Variants in RAB3GAP2 observed in about 807,000 individuals in gnomAD.
RAB3GAP2 encodes RAB3 GTPase activating non-catalytic protein subunit 2.
Under a neutral mutation model 185.3 loss-of-function variants are expected in RAB3GAP2, and 87 were observed. The ratio of observed to expected loss-of-function variants is 0.47; its 90% confidence interval spans 0.39 to 0.56. The LOEUF is 0.56. RAB3GAP2 is among the 20% of genes least tolerant of loss of function. RAB3GAP2 has a pLI of 0.00. For synonymous variants in RAB3GAP2, 554 were observed against 576.1 expected, an observed-to-expected ratio of 0.96 and a Z score of 0.55; for missense variants, 1,492 against 1,638.2, an observed-to-expected ratio of 0.91 and a Z score of 1.54.
chr1:220,157,395 C>T lies in RAB3GAP2; in HGVS notation c.3430G>A (p.Ala1144Thr). The T allele has an allele frequency of 6.2e-7, 1 of 1,613,924 alleles. No homozygotes were observed. The highest frequency in any genetic ancestry group is 2.2e-5 in the East Asian group (1 of 44,864). The change falls in exon 31 of 35, where the codon GCC (alanine) becomes ACC (threonine). Residue 1144 changes from alanine to threonine, a missense_variant. By Grantham distance (58) the Ala-to-Thr change is moderately conservative. This residue lies in a region of RAB3GAP2 where 387 missense variants were observed against 455.3 expected (regional missense o/e 0.85). Transcript: ENST00000358951. The part of the protein sequence containing the change: ...VEGPISIVEL[A>T]LEQKHIHYPL... ...TAGTGGATGTGCTTCTGTTCAAGGG[C>T]CAGTTCCACTATGGAGATTGGTCCT...
chr1:220,246,253 T>C (rs2102517386), intron 1 of RAB3GAP2, among the ~76,000 whole-genome samples: 1 of 152,248 alleles, frequency 6.6e-6, no homozygotes, highest in South Asian at 2.1e-4. Context: ...ACGGCAATCA[T>C]TAAAAAGTCA....
chr1:220,173,801 A>T (rs879891076), intron 21 of RAB3GAP2, among the ~76,000 whole-genome samples: 6 of 152,148 alleles, frequency 3.9e-5, no homozygotes, highest in Non-Finnish European at 8.8e-5. Context: ...CGGGCGGATC[A>T]CGAGGTCAGG....
chr1:220,222,003 A>G (rs1659314763), intron 2 of RAB3GAP2, among the ~76,000 whole-genome samples: 1 of 152,190 alleles, frequency 6.6e-6, no homozygotes, highest in African/African-American at 2.4e-5. Flanking sequence ...GCTAACTTTC[A>G]CAGATATTTA....
chr1:220,265,821 A>T (rs1401189500), intron 1 of RAB3GAP2, among the ~76,000 whole-genome samples: 1 of 152,028 alleles, frequency 6.6e-6, no homozygotes, highest in Non-Finnish European at 1.5e-5. Flanking sequence ...GCAACACAGG[A>T]GACTGAGGTG....
chr1:220,166,280 G>A (rs758645028), intron 26 of RAB3GAP2, among the ~76,000 whole-genome samples: 8 of 152,204 alleles, frequency 5.3e-5, no homozygotes, highest in South Asian at 2.1e-4. Flanking sequence ...GAAGAGTATC[G>A]TTTCCATTAA....
At chr1:220,157,569 G>A in intron 30 of RAB3GAP2, 81 bp from the exon 31 acceptor site, 1 of 1,392,122 alleles carries the variant, frequency 7.2e-7, no homozygotes. Context: ...TTTATTAGCA[G>A]CAAAGTGCAA....
chr1:220,265,149 A>T (rs1264872791), intron 1 of RAB3GAP2, among the ~76,000 whole-genome samples: 2 of 152,092 alleles, frequency 1.3e-5, no homozygotes, highest in African/African-American at 4.8e-5. Context: ...TCCTAGTATG[A>T]TCTCAAACTA....
intron 2 of RAB3GAP2, among the ~76,000 whole-genome samples, chr1:220,218,130 A>G (rs1416132126): frequency 6.6e-6 from 1 of 152,198 alleles, no homozygotes; most frequent in Admixed American, 6.5e-5. Context: ...GAAACTTGAG[A>G]ATAAAACTTG....
intron 17 of RAB3GAP2, among the ~76,000 whole-genome samples, chr1:220,187,369 G>A (rs1377220268): frequency 6.6e-6 from 1 of 152,102 alleles, no homozygotes; most frequent in Non-Finnish European, 1.5e-5. Context: ...CATTTCTGAT[G>A]GGGAGCTTCT....
At chr1:220,178,672 G>C (rs920532378) in intron 21 of RAB3GAP2, among the ~76,000 whole-genome samples, 1 of 151,644 alleles carries the variant, frequency 6.6e-6, no homozygotes. Context: ...CAAAAGTAGC[G>C]AATTGAAACA....
chr1:220,256,258 A>G (rs1316433341), intron 1 of RAB3GAP2, among the ~76,000 whole-genome samples: 1 of 152,220 alleles, frequency 6.6e-6, no homozygotes, highest in African/African-American at 2.4e-5. Flanking sequence ...TGACGGAAGC[A>G]CTAAATATGA....
At chr1:220,222,542 A>C (rs1429953350) in intron 2 of RAB3GAP2, among the ~76,000 whole-genome samples, 5 of 152,302 alleles carry the variant, frequency 3.3e-5, no homozygotes, top group African/African-American at 9.6e-5. Flanking sequence ...AGGAATTCTC[A>C]CAAATAAATT....
chr1:220,248,932 T>G (rs1041281130), intron 1 of RAB3GAP2, among the ~76,000 whole-genome samples: 1 of 152,364 alleles, frequency 6.6e-6, no homozygotes, highest in African/African-American at 2.4e-5. Flanking sequence ...CCTTCTGCCA[T>G]GACTGTAATT....
intron 2 of RAB3GAP2, among the ~76,000 whole-genome samples, chr1:220,221,061 A>AT (rs1400920120): frequency 6.6e-6 from 1 of 152,180 alleles, no homozygotes; most frequent in African/African-American, 2.4e-5. Context: ...TTCAGTTATT[A>AT]TACCACAACC....
chr1:220,166,131 CATTAAGAGG>C (rs1474839632), intron 26 of RAB3GAP2, among the ~76,000 whole-genome samples: 3 of 152,160 alleles, frequency 2.0e-5, no homozygotes, highest in Non-Finnish European at 4.4e-5. Context: ...ATTTGAAGGG[CATTAAGAGG>C]ATTCCTCTGT....
intron 2 of RAB3GAP2, among the ~76,000 whole-genome samples, chr1:220,225,617 T>C (rs987235501): frequency 6.6e-6 from 1 of 152,186 alleles, no homozygotes; most frequent in Non-Finnish European, 1.5e-5. Flanking sequence ...CACCCATGGT[T>C]GAGAATCACT....
At chr1:220,189,383 T>G (rs1025019990) in intron 17 of RAB3GAP2, among the ~76,000 whole-genome samples, 19 of 151,906 alleles carry the variant, frequency 1.3e-4, no homozygotes, top group Non-Finnish European at 2.8e-4. Flanking sequence ...CTGACCCAAC[T>G]AATTTTTTTG....
At chr1:220,212,849 T>C (rs755477034) in intron 4 of RAB3GAP2, 38 bp downstream of exon 4, 59 of 1,474,830 alleles carry the variant, frequency 4.0e-5, no homozygotes, top group Non-Finnish European at 5.0e-5. Flanking sequence ...CATACATACA[T>C]GTAACACACA....
In RAB3GAP2 at chr1:220,157,261, G is replaced by A; in HGVS notation, c.3555+9C>T. On this transcript the variant is annotated intron_variant, in intron 31 of 34. Transcript: ENST00000358951. ...CCAAAATAGCTCTGAAATCCTGTGAGGTACTTACCTTACTGTCAAAAAGTG... is the reference window on the plus strand; with the variant it reads ...CCAAAATAGCTCTGAAATCCTGTGAAGTACTTACCTTACTGTCAAAAAGTG... 6.2e-7 allele frequency: 1 copy of A among 1,607,764 alleles called. No homozygotes were observed. Among genetic ancestry groups the A allele is most frequent in the African/African-American group, 1.3e-5 (1 of 74,822 alleles).
Sources: allele counts gnomAD v4.1 joint callset (sites outside exome capture counted in the v4.1 genomes callset), GRCh38; gene constraint gnomAD v4.1.1; regional missense constraint gnomAD v4.1.1; transcripts MANE v1.5; gene names NCBI Gene and HGNC (gene_info 2026-07-23, HGNC 2026-07-21).